GNAI3: variants seen among roughly 807,000 people sequenced by gnomAD.
GNAI3 encodes the protein G protein subunit alpha i3.
A neutral mutation model predicts 41.8 loss-of-function variants in GNAI3; 12 were observed. That is an observed-to-expected ratio of 0.29 (90% CI 0.18 to 0.47). The LOEUF (loss-of-function observed/expected upper bound fraction) is 0.47. Among genes scored for constraint, GNAI3 ranks in the 20% least tolerant of loss-of-function variants. GNAI3 has a pLI of 1.00. For synonymous variants in GNAI3, 132 were observed against 146.5 expected, an observed-to-expected ratio of 0.90 and a Z score of 0.71; for missense variants, 360 against 429.6, an observed-to-expected ratio of 0.84 and a Z score of 1.43.
intron 5 of GNAI3, among the ~76,000 whole-genome samples, chr1:109,583,210 T>A (rs919815544): frequency 1.3e-5 from 2 of 152,210 alleles, no homozygotes; most frequent in Non-Finnish European, 2.9e-5. Flanking sequence ...GGTTTGTTTT[T>A]AAATTTTTAT....
At chr1:109,581,714 C>T (rs1439597699) in intron 4 of GNAI3, among the ~76,000 whole-genome samples, 1 of 151,932 alleles carries the variant, frequency 6.6e-6, no homozygotes, top group African/African-American at 2.4e-5. Context: ...ATGGTGAAAC[C>T]CCATCTCTAC....
At chr1:109,563,237 C>G (rs1025803392) in intron 1 of GNAI3, among the ~76,000 whole-genome samples, 4 of 152,112 alleles carry the variant, frequency 2.6e-5, no homozygotes, top group African/African-American at 9.7e-5. Context: ...TAAAAATTAG[C>G]CGGTGTGGTG....
chr1:109,582,146 A>G (rs1648905725), intron 4 of GNAI3, among the ~76,000 whole-genome samples: 1 of 152,044 alleles, frequency 6.6e-6, no homozygotes, highest in African/African-American at 2.4e-5. Context: ...ATGCACCACC[A>G]TGCTTAGCTA....
chr1:109,586,687 T>A, intron 6 of GNAI3, 42 bp from the exon 7 acceptor site: 1 of 1,444,708 alleles, frequency 6.9e-7, no homozygotes, highest in Non-Finnish European at 9.5e-7. Flanking sequence ...AATCCACTTT[T>A]ACTATTTGCT....
intron 1 of GNAI3, among the ~76,000 whole-genome samples, chr1:109,554,000 T>A (rs1557901527): frequency 6.6e-6 from 1 of 152,202 alleles, no homozygotes; most frequent in Non-Finnish European, 1.5e-5. Flanking sequence ...AGTAATCGTC[T>A]CCAGTTCCAT....
chr1:109,564,931 C>T (rs1347066605), intron 1 of GNAI3, among the ~76,000 whole-genome samples: 2 of 152,156 alleles, frequency 1.3e-5, no homozygotes, highest in African/African-American at 4.8e-5. Context: ...CATTAGCTCT[C>T]TTCCAGTTAC....
intron 3 of GNAI3, among the ~76,000 whole-genome samples, chr1:109,574,333 A>G (rs1399914120): frequency 1.3e-5 from 2 of 150,782 alleles, no homozygotes; most frequent in Non-Finnish European, 2.9e-5. Flanking sequence ...CTTTTATAGT[A>G]GTAGATAATA....
chr1:109,585,013 C>T (rs891375286), intron 5 of GNAI3, among the ~76,000 whole-genome samples: 2 of 152,186 alleles, frequency 1.3e-5, no homozygotes, highest in Non-Finnish European at 2.9e-5. Flanking sequence ...AGAGTTGGGT[C>T]ATAAAGAGAT....
chr1:109,557,269 A>G (rs908528692), intron 1 of GNAI3, among the ~76,000 whole-genome samples: 1 of 152,142 alleles, frequency 6.6e-6, no homozygotes, highest in Non-Finnish European at 1.5e-5. Context: ...TGAATTGGAT[A>G]TGATATGATC....
At chr1:109,549,602 A>C (rs1212525985) in intron 1 of GNAI3, among the ~76,000 whole-genome samples, 1 of 152,246 alleles carries the variant, frequency 6.6e-6, no homozygotes, top group Non-Finnish European at 1.5e-5. Flanking sequence ...TTTGTAGCAG[A>C]AGATCTAGTG....
chr1:109,565,819 A>G (rs906570214), intron 1 of GNAI3, among the ~76,000 whole-genome samples: 2 of 152,178 alleles, frequency 1.3e-5, no homozygotes, highest in South Asian at 4.1e-4. Flanking sequence ...AGTGTATGAC[A>G]TTACCCTGTA....
At chr1:109,565,558 A>G (rs565811462) in intron 1 of GNAI3, among the ~76,000 whole-genome samples, 1 of 152,350 alleles carries the variant, frequency 6.6e-6, no homozygotes, top group African/African-American at 2.4e-5. Flanking sequence ...GATTCCATCC[A>G]TTGCATCTGG....
chr1:109,570,836 G>A (rs772898482), intron 1 of GNAI3, among the ~76,000 whole-genome samples: 4 of 152,134 alleles, frequency 2.6e-5, no homozygotes, highest in Non-Finnish European at 4.4e-5. Flanking sequence ...ATTGAAGATC[G>A]TGTGACAAGA....
chr1:109,579,149 T>C (rs1648827095), intron 3 of GNAI3, 55 bp from the exon 4 acceptor site: 1 of 1,412,014 alleles, frequency 7.1e-7, no homozygotes, highest in Non-Finnish European at 9.8e-7. Context: ...GAGACTGTCA[T>C]CAAGTCTTAA....
intron 1 of GNAI3, among the ~76,000 whole-genome samples, chr1:109,553,564 C>A (rs574730902): frequency 6.6e-6 from 1 of 152,200 alleles, no homozygotes; most frequent in East Asian, 1.9e-4. Flanking sequence ...GGATTATACC[C>A]TTTATTATGT....
chr1:109,551,294 T>G (rs1647977769), intron 1 of GNAI3, among the ~76,000 whole-genome samples: 1 of 152,198 alleles, frequency 6.6e-6, no homozygotes, highest in African/African-American at 2.4e-5. Flanking sequence ...AAATTAAAAT[T>G]ATCTTCTATG....
intron 1 of GNAI3, among the ~76,000 whole-genome samples, chr1:109,556,565 T>TC (rs1261981344): frequency 6.6e-6 from 1 of 152,214 alleles, no homozygotes; most frequent in Non-Finnish European, 1.5e-5. Flanking sequence ...TTTCTGCTTT[T>TC]CCCCCAGTGT....
intron 1 of GNAI3, among the ~76,000 whole-genome samples, chr1:109,551,987 C>A (rs1020105702): frequency 6.6e-6 from 1 of 151,956 alleles, no homozygotes; most frequent in African/African-American, 2.4e-5. Flanking sequence ...CATGGCGAAA[C>A]CCCATCTCTA....
intron 1 of GNAI3, among the ~76,000 whole-genome samples, chr1:109,554,258 G>C (rs1255072606): frequency 4.6e-5 from 7 of 152,120 alleles, no homozygotes; most frequent in Admixed American, 4.6e-4. Flanking sequence ...GAGTGAGATT[G>C]GTGCATCAAA....
Sources: allele counts gnomAD v4.1 joint callset (sites outside exome capture counted in the v4.1 genomes callset), GRCh38; gene constraint gnomAD v4.1.1; transcripts MANE v1.5; gene names NCBI Gene and HGNC (gene_info 2026-07-23, HGNC 2026-07-21).